PDE4B: variants seen among roughly 807,000 people sequenced by gnomAD.
PDE4B encodes the protein phosphodiesterase 4B.
A neutral mutation model predicts 82.2 loss-of-function variants in PDE4B; 20 were observed. That is an observed-to-expected ratio of 0.24 (90% CI 0.17 to 0.35). The LOEUF is 0.35. Among genes scored for constraint, PDE4B ranks in the 10% least tolerant of loss-of-function variants. PDE4B has a pLI of 1.00. For missense variants in PDE4B, 655 were observed against 907.2 expected, an observed-to-expected ratio of 0.72 and a Z score of 3.57; for synonymous variants, 320 against 318.9, an observed-to-expected ratio of 1.00 and a Z score of -0.04.
chr1:66,280,788 C>CG (rs1656236932), intron 7 of PDE4B, among the ~76,000 whole-genome samples: 1 of 152,024 alleles, frequency 6.6e-6, no homozygotes, highest in African/African-American at 2.4e-5. Flanking sequence ...CCTATGTTTC[C>CG]GGTAAGTCTT....
intron 11 of PDE4B, 24 bp downstream of exon 11, chr1:66,363,290 G>C (rs1317205976): frequency 1.3e-6 from 2 of 1,561,942 alleles, no homozygotes; most frequent in South Asian, 2.3e-5. Context: ...AGTGAATACT[G>C]GCTTTCCAAT....
intron 12 of PDE4B, 134 bp from the exon 13 acceptor site, chr1:66,365,533 T>G: frequency 1.8e-6 from 1 of 545,022 alleles, no homozygotes. Flanking sequence ...TTACTTAAAT[T>G]AGTATATTGA....
rs1217858595 is a variant in PDE4B at position 66,173,336 on chromosome 1, G to A, written c.282-74124G>A. On this transcript the variant is annotated intron_variant, in intron 3 of 16. Coordinates refer to ENST00000341517, the MANE Select transcript of PDE4B (RefSeq NM_002600.4). ...CCTGAAAGCTGTGAGGGACCATAAA[G>A]ATATTAAAGCAGAGACGGGCATAAG... 3.9e-5 allele frequency among the ~76,000 whole-genome samples: 6 copies of A among 152,204 alleles called. No individual in the cohort carries two copies. In the East Asian group the frequency reaches 1.2e-3, roughly 29 times the overall value.
At chr1:66,344,880 A>G (rs1198882626) in intron 8 of PDE4B, among the ~76,000 whole-genome samples, 6 of 152,214 alleles carry the variant, frequency 3.9e-5, no homozygotes, top group Non-Finnish European at 8.8e-5. Context: ...TCTAAGGCCC[A>G]TTTCTTCACT....
intron 3 of PDE4B, among the ~76,000 whole-genome samples, chr1:66,228,496 C>A (rs555337471): frequency 6.6e-6 from 1 of 151,948 alleles, no homozygotes; most frequent in Admixed American, 6.6e-5. Context: ...TGGTGGTGGG[C>A]GCCTGTAGTC....
rs146166974 is a variant in PDE4B, at chr1:66,363,511, C to T, written c.1224C>T (p.Ser408=). The T allele has an allele frequency of 2.4e-5, 38 of 1,613,672 alleles. No homozygotes were observed. The highest frequency in any genetic ancestry group is 3.1e-5 in the Non-Finnish European group (37 of 1,179,818). Residue 408 remains serine (S), a synonymous_variant, in exon 12 of 17, where the codon AGC becomes AGT. Transcript: ENST00000341517. ...HYHSDVAYHN[S]LHAADVAQST... Reference sequence around the variant, plus strand: ...ATTCTGACGTGGCATATCACAACAGCCTGCACGCTGCTGATGTAGCCCAGT... The same window carrying T: ...ATTCTGACGTGGCATATCACAACAGTCTGCACGCTGCTGATGTAGCCCAGT...
intron 3 of PDE4B, among the ~76,000 whole-genome samples, chr1:65,933,355 C>T (rs1458902390): frequency 6.6e-6 from 1 of 151,744 alleles, no homozygotes; most frequent in East Asian, 1.9e-4. Flanking sequence ...AAATACTTGG[C>T]ATGCCAAAAT....
chr1:65,872,925 T>G (rs1284141125), intron 1 of PDE4B, among the ~76,000 whole-genome samples: 1 of 152,162 alleles, frequency 6.6e-6, no homozygotes, highest in Admixed American at 6.5e-5. Context: ...GATTAATGAT[T>G]TATTCAATGA....
chr1:66,274,036 C>T (rs190581346), intron 7 of PDE4B, among the ~76,000 whole-genome samples: 92 of 152,338 alleles, frequency 6.0e-4, no homozygotes, highest in African/African-American at 2.0e-3. Flanking sequence ...CTCTTAGTGC[C>T]TGGCATTGTG....
At chr1:65,842,558 G>T (rs1646219439) in intron 1 of PDE4B, among the ~76,000 whole-genome samples, 1 of 152,140 alleles carries the variant, frequency 6.6e-6, no homozygotes, top group African/African-American at 2.4e-5. Flanking sequence ...TAATTCAGCA[G>T]ATATTTATTG....
chr1:66,101,047 G>A (rs569791288), intron 3 of PDE4B, among the ~76,000 whole-genome samples: 1 of 151,992 alleles, frequency 6.6e-6, no homozygotes, highest in Non-Finnish European at 1.5e-5. Flanking sequence ...TGTTGTCATT[G>A]TTCAATTTCC....
At chr1:65,894,661 T>C (rs150065428) in intron 1 of PDE4B, among the ~76,000 whole-genome samples, 232 of 152,256 alleles carry the variant, frequency 1.5e-3, no homozygotes, top group African/African-American at 5.4e-3. Flanking sequence ...AAGCAACTCT[T>C]ACAAACCAGT....
intron 3 of PDE4B, among the ~76,000 whole-genome samples, chr1:66,142,342 CACTTCTGCCA>C (rs1366479181): frequency 1.3e-5 from 2 of 152,104 alleles, no homozygotes; most frequent in African/African-American, 4.8e-5. Flanking sequence ...GATTTAAAGT[CACTTCTGCCA>C]GTTTACATGT....
At chr1:66,106,893 C>T (rs1442382349) in intron 3 of PDE4B, among the ~76,000 whole-genome samples, 3 of 124,120 alleles carry the variant, frequency 2.4e-5, no homozygotes, top group Non-Finnish European at 3.6e-5. Context: ...AAACCAGCTC[C>T]GGGATTCATT....
intron 3 of PDE4B, among the ~76,000 whole-genome samples, chr1:66,059,707 C>G (rs1423180800): frequency 6.6e-6 from 1 of 152,224 alleles, no homozygotes; most frequent in African/African-American, 2.4e-5. Flanking sequence ...TAACCTCCCA[C>G]TGTGTCCCTC....
In PDE4B at chr1:65,852,654, TA is replaced by T. The variant is rs1282645215; in HGVS notation, c.-71+59407del. ...ATTTTATATGTTTTACTTTCATTTT[TA>T]TTCAGTTTAATATGTTTTCTAATCT... is the stretch of plus-strand genomic sequence containing the variant. On this transcript the variant is annotated intron_variant, in intron 1 of 16. Transcript: ENST00000341517. Among the ~76,000 whole-genome samples, 6 of 152,202 alleles carry T rather than the reference TA, an allele frequency of 3.9e-5. No homozygotes were observed. The East Asian group carries it at 9.6e-4, about 24-fold the overall frequency.
intron 3 of PDE4B, among the ~76,000 whole-genome samples, chr1:66,175,317 T>C (rs1646912709): frequency 6.6e-6 from 1 of 152,196 alleles, no homozygotes; most frequent in Non-Finnish European, 1.5e-5. Context: ...CAAGAGCTCA[T>C]TTTGACAACC....
intron 7 of PDE4B, among the ~76,000 whole-genome samples, chr1:66,316,212 T>C (rs532687185): frequency 7.9e-5 from 12 of 152,238 alleles, no homozygotes; most frequent in Non-Finnish European, 1.8e-4. Flanking sequence ...GCTGTATGTT[T>C]CTGCAACGAA....
intron 4 of PDE4B, among the ~76,000 whole-genome samples, chr1:66,255,093 T>C (rs1437769597): frequency 1.3e-5 from 2 of 152,054 alleles, no homozygotes; most frequent in African/African-American, 4.8e-5. Flanking sequence ...TTTCTCTTTC[T>C]TTCTTTTTGA....
Sources: gnomAD v4.1 joint callset for allele counts (sites outside exome capture counted in the v4.1 genomes callset) on GRCh38, gnomAD v4.1.1 for gene constraint, MANE v1.5 for transcripts, NCBI Gene and HGNC (gene_info 2026-07-23, HGNC 2026-07-21) for gene names.